DMD: variants seen among roughly 807,000 people sequenced by gnomAD.
DMD encodes dystrophin, also known as mutant dystrophin.
A neutral mutation model predicts 330.1 loss-of-function variants in DMD; 63 were observed. The ratio of observed to expected loss-of-function variants is 0.19; its 90% CI spans 0.16 to 0.24. The LOEUF is 0.24. Among genes scored for constraint, DMD ranks in the 10% least tolerant of loss-of-function variants. The pLI is 1.00. For missense variants in DMD, 3,344 were observed against 2,684.1 expected, an observed-to-expected ratio of 1.25 and a Z score of -5.43; for synonymous variants, 1,223 against 959.8, an observed-to-expected ratio of 1.27 and a Z score of -5.07.
intron 55 of DMD, among the ~76,000 whole-genome samples, chrX:31,593,526 C>T (rs1057267642): frequency 2.7e-5 from 3 of 111,202 alleles, no homozygotes; most frequent in African/African-American, 9.8e-5. Context: ...TTGAAAATGT[C>T]ATTTGAGCCT....
intron 4 of DMD, among the ~76,000 whole-genome samples, chrX:32,840,547 C>A (rs73462870): frequency 0.014 from 1,602 of 111,590 alleles, 29 homozygotes; most frequent in African/African-American, 0.049. Context: ...CAGGTCAAAA[C>A]ATGGAACAGT....
chrX:33,095,974 T>A (rs2095153621), intron 1 of DMD, among the ~76,000 whole-genome samples: 1 of 79,083 alleles, frequency 1.3e-5, no homozygotes, highest in East Asian at 4.0e-4. Flanking sequence ...ATTTTTTTTT[T>A]TTTTTTTTTT....
At position 31,372,630 on chromosome X, in the gene DMD, T is replaced by G. The variant is rs184769484; in HGVS notation, c.9085-23996A>C. Among the ~76,000 whole-genome samples, 13 of 111,805 alleles carry G rather than the reference T, an allele frequency of 1.2e-4. No homozygotes were observed. The East Asian group carries it at 3.6e-3, about 31-fold the overall frequency. On this transcript the variant is annotated intron_variant, in intron 60 of 78. Coordinates refer to ENST00000357033, the MANE Select transcript of DMD (RefSeq NM_004006.3). ...TTTGACAAAATTCAACAACCCTTCA[T>G]GCTAAAAACTCTCAATAAATTAGGT...
At chrX:31,500,940 A>C (rs1052863134) in intron 56 of DMD, among the ~76,000 whole-genome samples, 3 of 112,053 alleles carry the variant, frequency 2.7e-5, no homozygotes, top group Non-Finnish European at 3.8e-5. Context: ...TGTTGCTGTT[A>C]AATTAAATTA....
At chrX:31,804,712 A>C (rs2092228727) in intron 50 of DMD, among the ~76,000 whole-genome samples, 1 of 111,307 alleles carries the variant, frequency 9.0e-6, no homozygotes, top group Non-Finnish European at 1.9e-5. Flanking sequence ...CCATACTGAT[A>C]TTTTTAAAAC....
chrX:31,206,044 A>G (rs1352300362), intron 66 of DMD, among the ~76,000 whole-genome samples: 1 of 112,642 alleles, frequency 8.9e-6, no homozygotes, highest in South Asian at 3.7e-4. Flanking sequence ...AATCAAAAGG[A>G]AATTCTGTAG....
chrX:31,431,345 T>C (rs2064057757), intron 60 of DMD, among the ~76,000 whole-genome samples: 1 of 111,827 alleles, frequency 8.9e-6, no homozygotes, highest in Non-Finnish European at 1.9e-5. Context: ...TATGCTCTCA[T>C]ATTTTTTTCC....
At chrX:32,463,714 T>G (rs2098391552) in intron 24 of DMD, 120 bp from the exon 25 acceptor site, 1 of 639,402 alleles carries the variant, frequency 1.6e-6, no homozygotes, top group Non-Finnish European at 2.2e-6. Context: ...TTTTGTCTTT[T>G]AAAATCTGAG....
intron 1 of DMD, among the ~76,000 whole-genome samples, chrX:33,033,579 C>T (rs1447103988): frequency 2.2e-5 from 2 of 92,070 alleles, no homozygotes; most frequent in Non-Finnish European, 4.2e-5. Context: ...ACTAGCCGGG[C>T]GTGGTGGCGG....
intron 53 of DMD, among the ~76,000 whole-genome samples, chrX:31,675,924 A>C (rs2082052811): frequency 8.9e-6 from 1 of 112,543 alleles, no homozygotes. Flanking sequence ...ATGAATCATT[A>C]ATTGCTTTTT....
intron 1 of DMD, among the ~76,000 whole-genome samples, chrX:33,325,555 T>C (rs996899957): frequency 6.2e-5 from 7 of 112,348 alleles, no homozygotes; most frequent in African/African-American, 2.3e-4. Flanking sequence ...ACTACTGAAG[T>C]TGAGGCTGTA....
At chrX:32,619,886 A>G (rs988429957) in intron 11 of DMD, among the ~76,000 whole-genome samples, 5 of 111,698 alleles carry the variant, frequency 4.5e-5, no homozygotes, top group African/African-American at 9.8e-5. Context: ...AGAATTAGAG[A>G]CATGGAACAA....
rs752940279 is a variant in DMD at position 31,354,296 on chromosome X, C to T, written c.9085-5662G>A. On this transcript the variant is annotated intron_variant, in intron 60 of 78. Coordinates refer to ENST00000357033, the MANE Select transcript of DMD (RefSeq NM_004006.3). ...TTTATTCACGGATCTTTACTATTAA[C>T]AACTATATTTTGAATGAATCATTTC... is the stretch of plus-strand genomic sequence containing the variant. Among the ~76,000 whole-genome samples the T allele has an allele frequency of 4.5e-5, 5 of 111,438 alleles. No individual in the cohort carries two copies. In the East Asian group the frequency reaches 1.1e-3, roughly 25 times the overall value.
chrX:32,309,863 G>C (rs1157375328), intron 42 of DMD, among the ~76,000 whole-genome samples: 1 of 110,716 alleles, frequency 9.0e-6, no homozygotes, highest in Non-Finnish European at 1.9e-5. Flanking sequence ...CTTCATTTTA[G>C]GATGTCTCTC....
Position 32,501,835 on chromosome X carries a change from T to C in DMD, c.2300A>G (p.Glu767Gly). 2.5e-6 allele frequency: 3 copies of C among 1,200,296 alleles called. No individual in the cohort carries two copies. The highest frequency in any genetic ancestry group is 3.4e-6 in the Non-Finnish European group (3 of 887,032). Residue 767 changes from glutamate (E) to glycine (G), a missense_variant, in exon 19 of 79, where the codon GAG becomes GGG. Coordinates refer to ENST00000357033, the MANE Select transcript of DMD (RefSeq NM_004006.3). Reference sequence around the variant, plus strand: ...TCTGAACTTCTCAGCTTTTTCTCGCTCTATGGCCTGCAGCATGAGAGCAAA... The same window carrying C: ...TCTGAACTTCTCAGCTTTTTCTCGCCCTATGGCCTGCAGCATGAGAGCAAA... Reference protein sequence around the residue: ...SDLKEKVNAIEREKAEKFRKL... With the variant: ...SDLKEKVNAIGREKAEKFRKL...
chrX:31,793,715 A>C (rs1371250348), intron 50 of DMD, among the ~76,000 whole-genome samples: 1 of 112,167 alleles, frequency 8.9e-6, no homozygotes, highest in African/African-American at 3.2e-5. Context: ...GAGTACTTGA[A>C]GTATGATTTC....
chrX:31,174,042 C>G (rs2040268177), intron 71 of DMD, among the ~76,000 whole-genome samples: 1 of 111,681 alleles, frequency 9.0e-6, no homozygotes, highest in Non-Finnish European at 1.9e-5. Flanking sequence ...TGCCTAGATA[C>G]TTACAATTAT....
chrX:31,256,818 G>C (rs1238539926), intron 63 of DMD, among the ~76,000 whole-genome samples: 1 of 109,158 alleles, frequency 9.2e-6, no homozygotes, highest in African/African-American at 3.3e-5. Context: ...TTAATGAATT[G>C]TAGCTATAGA....
At chrX:32,800,909 CATGGTGTAT>C (rs1316353645) in intron 7 of DMD, among the ~76,000 whole-genome samples, 1 of 111,715 alleles carries the variant, frequency 9.0e-6, no homozygotes, top group African/African-American at 3.3e-5. Context: ...CATAGTATTC[CATGGTGTAT>C]ATGTGCCAAA....
Sources: gnomAD v4.1 joint callset for allele counts (sites outside exome capture counted in the v4.1 genomes callset) on GRCh38, gnomAD v4.1.1 for gene constraint, MANE v1.5 for transcripts, NCBI Gene and HGNC (gene_info 2026-07-23, HGNC 2026-07-21) for gene names.